The following CCDC144A variants were observed in gnomAD, a reference collection of about 807,000 sequenced individuals.
The protein encoded by CCDC144A is coiled-coil domain-containing protein 144A.
Under a neutral mutation model 143.8 loss-of-function variants are expected in CCDC144A, and 41 were observed. The observed-to-expected ratio is 0.29, with a 90% CI of 0.22 to 0.37. CCDC144A has a LOEUF of 0.37. Ranked by LOEUF, CCDC144A falls within the 10% of genes least tolerant of loss-of-function variation. The pLI is 1.00. For synonymous variants in CCDC144A, 242 were observed against 517.9 expected (o/e 0.47, Z 7.23); for missense variants, 637 against 1,488.8 (o/e 0.43, Z 9.41).
Position 16,707,917 on chromosome 17 carries a change from G to A in CCDC144A, c.738+375G>A, listed in dbSNP as rs189081297. On this transcript the variant is annotated intron_variant, in intron 4 of 16. Coordinates refer to ENST00000399273, the MANE Select transcript of CCDC144A (RefSeq NM_001382000.1). ...ACTGAGTTGGATTCATGGTATAAGA[G>A]TAATCATGGCCAGTGGCTCAAATTT... is the stretch of plus-strand genomic sequence containing the variant. Among the ~76,000 whole-genome samples the A allele has an allele frequency of 1.5e-3, 225 of 152,272 alleles. 2 individuals carry two copies. Among genetic ancestry groups the A allele is most frequent in the African/African-American group, 5.3e-3 (222 of 41,560 alleles).
chr17:16,674,598 G>A, the CCDC144A span, among the ~76,000 whole-genome samples: 6 of 151,260 alleles, frequency 4.0e-5, no homozygotes, highest in East Asian at 9.7e-4. Context: ...AGGGAAGGAA[G>A]GGAGGGAGGG....
At chr17:16,763,179 T>C (rs191891341) in intron 14 of CCDC144A, among the ~76,000 whole-genome samples, 61 of 151,070 alleles carry the variant, frequency 4.0e-4, no homozygotes, top group Non-Finnish European at 1.8e-4. Flanking sequence ...TTGGTCAGCC[T>C]GAGGCGGTAT....
chr17:16,720,341 A>G (rs2143178921), intron 7 of CCDC144A, 110 bp downstream of exon 7: 1 of 1,431,374 alleles, frequency 7.0e-7, no homozygotes, highest in South Asian at 1.3e-5. Context: ...GCTTAGAAAA[A>G]GTGATGAAGA....
intron 12 of CCDC144A, among the ~76,000 whole-genome samples, chr17:16,753,803 G>A (rs1215638113): frequency 6.6e-6 from 1 of 152,162 alleles, no homozygotes; most frequent in Non-Finnish European, 1.5e-5. Flanking sequence ...AGGGATATTG[G>A]CATGTAGTTT....
chr17:16,668,640 C>T, the CCDC144A span, among the ~76,000 whole-genome samples: 1 of 151,980 alleles, frequency 6.6e-6, no homozygotes, highest in Admixed American at 6.6e-5. Context: ...GTCCCAGATT[C>T]TTTTGTTATC....
chr17:16,695,750 C>T (rs1026365864), intron 2 of CCDC144A, among the ~76,000 whole-genome samples: 13 of 151,558 alleles, frequency 8.6e-5, no homozygotes, highest in Non-Finnish European at 7.4e-5. Flanking sequence ...TAAATATGTG[C>T]CAGACACTTT....
At chr17:16,742,381 G>A (rs941094922) in intron 12 of CCDC144A, among the ~76,000 whole-genome samples, 2 of 152,242 alleles carry the variant, frequency 1.3e-5, no homozygotes, top group Admixed American at 6.5e-5. Context: ...TAAATGACAT[G>A]ATTTTATTCT....
At chr17:16,671,340 C>A in the CCDC144A span, among the ~76,000 whole-genome samples, 1 of 151,982 alleles carries the variant, frequency 6.6e-6, no homozygotes, top group Non-Finnish European at 1.5e-5. Context: ...TTTAAAATAT[C>A]ATTTAAATTA....
Position 16,693,189 on chromosome 17 carries a change from T to C in CCDC144A, c.415+140T>C, listed in dbSNP as rs566217794. The C allele has an allele frequency of 1.7e-5, 10 of 605,112 alleles. No homozygotes were observed. In the East Asian group the frequency reaches 3.1e-4, roughly 19 times the overall value. 37.5% of individuals were successfully genotyped at this position (605,112 alleles called of 1,614,324 possible). A position where few individuals can be genotyped will look rare whatever the true frequency, so the allele number is the denominator to read the frequency against. Reference sequence around the variant, plus strand: ...TTGATAGGTTAGATTTCTTGGTAGGTTAGATGTCACAATTATTTAAAAAGT... The same window carrying C: ...TTGATAGGTTAGATTTCTTGGTAGGCTAGATGTCACAATTATTTAAAAAGT... On this transcript the variant is annotated intron_variant, in intron 2 of 16. Coordinates refer to ENST00000399273, the MANE Select transcript of CCDC144A (RefSeq NM_001382000.1).
chr17:16,676,527 C>A, the CCDC144A span, among the ~76,000 whole-genome samples: 23 of 147,024 alleles, frequency 1.6e-4, no homozygotes, highest in Non-Finnish European at 1.5e-4. Context: ...AAAAAAAAAA[C>A]ACAAAAAACA....
At chr17:16,751,079 T>C (rs1044144492) in intron 12 of CCDC144A, among the ~76,000 whole-genome samples, 3 of 152,266 alleles carry the variant, frequency 2.0e-5, no homozygotes, top group Admixed American at 1.3e-4. Flanking sequence ...AGTGTGATTT[T>C]TTGGAGGTAA....
chr17:16,668,357 C>T, the CCDC144A span, among the ~76,000 whole-genome samples: 266 of 152,136 alleles, frequency 1.7e-3, no homozygotes, highest in South Asian at 0.016. Context: ...AGTTTATTTT[C>T]CTGATTCTAG....
chr17:16,697,573 T>C (rs1333467091), intron 2 of CCDC144A, among the ~76,000 whole-genome samples: 2 of 152,292 alleles, frequency 1.3e-5, no homozygotes, highest in African/African-American at 2.4e-5. Flanking sequence ...TTTTCACCCA[T>C]CCATGGTGAA....
intron 12 of CCDC144A, among the ~76,000 whole-genome samples, chr17:16,747,124 T>C (rs1425659115): frequency 6.6e-6 from 1 of 152,102 alleles, no homozygotes; most frequent in Non-Finnish European, 1.5e-5. Context: ...CTTCTGTGTA[T>C]GGATAATCAG....
At chr17:16,733,897 G>A (rs1913871204) in intron 11 of CCDC144A, among the ~76,000 whole-genome samples, 1 of 152,186 alleles carries the variant, frequency 6.6e-6, no homozygotes, top group East Asian at 1.9e-4. Flanking sequence ...CAACACTTTG[G>A]GAGGCCGAGG....
At chr17:16,718,007 G>C (rs1239138204) in intron 6 of CCDC144A, among the ~76,000 whole-genome samples, 1 of 152,102 alleles carries the variant, frequency 6.6e-6, no homozygotes, top group Non-Finnish European at 1.5e-5. Flanking sequence ...AAATAGATGA[G>C]GTTGAAAGAA....
chr17:16,755,336 C>A (rs544335822), intron 12 of CCDC144A, among the ~76,000 whole-genome samples: 54 of 152,338 alleles, frequency 3.5e-4, no homozygotes, highest in African/African-American at 1.2e-3. Flanking sequence ...TTTACCTCTA[C>A]AATTTGCTGG....
In CCDC144A at chr17:16,720,097, C is replaced by T. The variant is rs554765192; in HGVS notation, c.1716-101C>T. 6.9e-5 allele frequency: 95 copies of T among 1,381,876 alleles called. No individual in the cohort carries two copies. The African/African-American group carries it at 1.3e-3, about 19-fold the overall frequency. The allele number at this position is 1,381,876 out of a possible 1,614,324, so 85.6% of individuals were successfully genotyped here. On this transcript the variant is annotated intron_variant, in intron 6 of 16. Coordinates refer to ENST00000399273, the MANE Select transcript of CCDC144A (RefSeq NM_001382000.1). ...CTATACACTTGATGAATAGAAGTAA[C>T]ACAAATGCAGACATTTTATATGATA...
intron 2 of CCDC144A, among the ~76,000 whole-genome samples, chr17:16,703,710 A>G (rs191393884): frequency 8.6e-4 from 131 of 152,152 alleles, no homozygotes; most frequent in Non-Finnish European, 1.5e-3. Flanking sequence ...ACGCTGAGGC[A>G]GAGAATGGCG....
Sources: gnomAD v4.1 joint callset for allele counts (sites outside exome capture counted in the v4.1 genomes callset) on GRCh38, gnomAD v4.1.1 for gene constraint, MANE v1.5 for transcripts, NCBI Gene and HGNC (gene_info 2026-07-23, HGNC 2026-07-21) for gene names.